Variants in JARID2 observed in about 807,000 individuals in gnomAD.
The protein encoded by JARID2 is jumonji and AT-rich interaction domain containing 2.
JARID2 carries 21 observed loss-of-function variants against 125.6 expected under a neutral mutation model. That is an observed-to-expected ratio of 0.17 (90% CI 0.12 to 0.24). JARID2 has a LOEUF of 0.24. Among genes scored for constraint, JARID2 ranks in the 10% least tolerant of loss-of-function variants. The pLI, the probability that JARID2 is intolerant of heterozygous loss-of-function variation, is 1.00. For synonymous variants in JARID2, 736 were observed against 661.6 expected, an observed-to-expected ratio of 1.11 and a Z score of -1.73; for missense variants, 1,303 against 1,639.6, an observed-to-expected ratio of 0.79 and a Z score of 3.55.
intron 1 of JARID2, among the ~76,000 whole-genome samples, chr6:15,323,212 C>G (rs574535813): frequency 6.6e-6 from 1 of 152,360 alleles, no homozygotes; most frequent in South Asian, 2.1e-4. Flanking sequence ...CCTGGTTTCC[C>G]AAATGCATTT....
intron 2 of JARID2, among the ~76,000 whole-genome samples, chr6:15,385,245 T>A (rs1009920029): frequency 2.0e-5 from 3 of 152,152 alleles, no homozygotes; most frequent in African/African-American, 7.2e-5. Flanking sequence ...TATTGAGAAT[T>A]CTCTCCCTTC....
chr6:15,444,030 AT>A (rs1371752651), intron 3 of JARID2, among the ~76,000 whole-genome samples: 3 of 152,228 alleles, frequency 2.0e-5, no homozygotes, highest in African/African-American at 7.2e-5. Context: ...TGCTGCAAAT[AT>A]TTAATATCCT....
chr6:15,379,485 A>C (rs1764497890), intron 2 of JARID2, among the ~76,000 whole-genome samples: 1 of 152,226 alleles, frequency 6.6e-6, no homozygotes, highest in African/African-American at 2.4e-5. Flanking sequence ...CTACACAAAT[A>C]ATGAGTACAC....
At chr6:15,498,283 C>T (rs939959953) in intron 7 of JARID2, among the ~76,000 whole-genome samples, 1 of 152,122 alleles carries the variant, frequency 6.6e-6, no homozygotes, top group African/African-American at 2.4e-5. Flanking sequence ...TTTCTGAGCT[C>T]TGGCTGGGGC....
At position 15,440,113 on chromosome 6, in the gene JARID2, G is replaced by A. The variant is rs73724405; in HGVS notation, c.324-11893G>A. Among the ~76,000 whole-genome samples, 1,082 of 152,264 alleles carry A rather than the reference G, an allele frequency of 7.1e-3. 15 individuals carry two copies. Among genetic ancestry groups the A allele is most frequent in the African/African-American group, 0.025 (1,039 of 41,556 alleles). Reference sequence around the variant, plus strand: ...ATGTAGTCAGAAGATATTCTCGTCCGACCCTTTGAGGGTTCATTTAAGCCG... The same window carrying A: ...ATGTAGTCAGAAGATATTCTCGTCCAACCCTTTGAGGGTTCATTTAAGCCG... On this transcript the variant is annotated intron_variant, in intron 3 of 17. Coordinates refer to ENST00000341776, the MANE Select transcript of JARID2 (RefSeq NM_004973.4).
At chr6:15,350,650 G>T (rs1763391022) in intron 1 of JARID2, among the ~76,000 whole-genome samples, 1 of 151,754 alleles carries the variant, frequency 6.6e-6, no homozygotes, top group Non-Finnish European at 1.5e-5. Flanking sequence ...AGTCATCGTT[G>T]GGCCTTCACT....
intron 2 of JARID2, among the ~76,000 whole-genome samples, chr6:15,379,805 C>G (rs1023792338): frequency 3.9e-5 from 6 of 152,122 alleles, no homozygotes; most frequent in African/African-American, 1.4e-4. Context: ...GCCTACCCAG[C>G]TATTAAGTGG....
At chr6:15,376,724 T>TA (rs1371847032) in intron 2 of JARID2, among the ~76,000 whole-genome samples, 2 of 152,092 alleles carry the variant, frequency 1.3e-5, no homozygotes, top group East Asian at 1.9e-4. Context: ...ACTCTCTCTT[T>TA]AAAAAATCAT....
intron 6 of JARID2, among the ~76,000 whole-genome samples, chr6:15,490,487 G>A (rs1389393865): frequency 6.6e-6 from 1 of 152,174 alleles, no homozygotes; most frequent in East Asian, 1.9e-4. Flanking sequence ...TAGAACCCGA[G>A]AGTTAGAACA....
chr6:15,338,086 A>C (rs1762940775), intron 1 of JARID2, among the ~76,000 whole-genome samples: 1 of 152,172 alleles, frequency 6.6e-6, no homozygotes, highest in African/African-American at 2.4e-5. Context: ...GGCGTAGGTG[A>C]GGGCAGTTAA....
chr6:15,275,644 T>C (rs1157647728), intron 1 of JARID2, among the ~76,000 whole-genome samples: 2 of 150,842 alleles, frequency 1.3e-5, no homozygotes, highest in African/African-American at 4.9e-5. Context: ...GGACTTGCAG[T>C]TGATTATGGC....
chr6:15,465,661 C>G (rs1014013056), intron 4 of JARID2, among the ~76,000 whole-genome samples: 1 of 151,610 alleles, frequency 6.6e-6, no homozygotes, highest in Admixed American at 6.6e-5. Flanking sequence ...TTAAAAAAAT[C>G]CTCAACAGAT....
At chr6:15,249,191 TGGA>T (rs1759337713) in intron 1 of JARID2, among the ~76,000 whole-genome samples, 1 of 152,256 alleles carries the variant, frequency 6.6e-6, no homozygotes, top group Admixed American at 6.5e-5. Context: ...TGTGCTTTGT[TGGA>T]GGACCGCGTT....
At chr6:15,390,967 G>T (rs1018932946) in intron 2 of JARID2, among the ~76,000 whole-genome samples, 1 of 152,154 alleles carries the variant, frequency 6.6e-6, no homozygotes, top group Non-Finnish European at 1.5e-5. Flanking sequence ...CTCAGAGGTG[G>T]TATTCTTACG....
intron 1 of JARID2, among the ~76,000 whole-genome samples, chr6:15,330,309 G>A (rs976334954): frequency 1.3e-5 from 2 of 152,112 alleles, no homozygotes; most frequent in East Asian, 1.9e-4. Context: ...GGTCTGGTGA[G>A]GTTACATTAT....
chr6:15,281,948 G>GTGTGTA (rs1167124078), intron 1 of JARID2, among the ~76,000 whole-genome samples: 3 of 151,920 alleles, frequency 2.0e-5, no homozygotes, highest in African/African-American at 7.2e-5. Context: ...GTGTGTGTGT[G>GTGTGTA]TGTGTGTGTG....
At chr6:15,292,690 C>G (rs979241632) in intron 1 of JARID2, among the ~76,000 whole-genome samples, 1 of 152,058 alleles carries the variant, frequency 6.6e-6, no homozygotes, top group Non-Finnish European at 1.5e-5. Flanking sequence ...TGTTTTGAGA[C>G]GAGTCTCACT....
intron 1 of JARID2, among the ~76,000 whole-genome samples, chr6:15,336,402 T>G (rs1196340290): frequency 6.6e-6 from 1 of 152,272 alleles, no homozygotes; most frequent in East Asian, 1.9e-4. Context: ...AATGAACTAC[T>G]TTGGTCAAAC....
intron 5 of JARID2, among the ~76,000 whole-genome samples, chr6:15,477,510 T>A (rs868868215): frequency 0.13 from 18,917 of 148,930 alleles, 1,519 homozygotes; most frequent in African/African-American, 0.23. Flanking sequence ...GTTGGTTTTT[T>A]TTTTTTTTTT....
Sources: gnomAD v4.1 joint callset for allele counts (sites outside exome capture counted in the v4.1 genomes callset) on GRCh38, gnomAD v4.1.1 for gene constraint, MANE v1.5 for transcripts, NCBI Gene and HGNC (gene_info 2026-07-23, HGNC 2026-07-21) for gene names.